Variants in DECR2 observed in about 807,000 individuals in gnomAD.
DECR2 encodes peroxisomal 2,4-dienoyl-CoA reductase [(3E)-enoyl-CoA-producing].
In DECR2, 34 loss-of-function variants were observed where a neutral mutation model predicts 29.2. That is an observed-to-expected ratio of 1.16 (90% confidence interval 0.89 to 1.55). DECR2 has a LOEUF of 1.55. Ranked by LOEUF, DECR2 falls within the 40% of genes most tolerant of loss-of-function variation. The probability of loss-of-function intolerance (pLI) is 0.00; values close to 1 mark genes in which losing one functional copy is unlikely to be tolerated. For synonymous variants in DECR2, 224 were observed against 182.7 expected (o/e 1.23, Z -1.82); for missense variants, 485 against 425.3 (o/e 1.14, Z -1.23).
intron 7 of DECR2, 79 bp from the exon 8 acceptor site, chr16:411,282 C>G: frequency 2.8e-6 from 4 of 1,422,632 alleles, no homozygotes; most frequent in South Asian, 1.3e-5. Flanking sequence ...CCAGATGCCT[C>G]TCAGGGAATG....
chr16:412,387 T>C lies in DECR2; in HGVS notation c.*498T>C, dbSNP rs2054827588. ...CTTTGCTACAATCTTGCTAGTGCGT[T>C]TTCTTAAAAGATAATCTATTTACTG... is the stretch of plus-strand genomic sequence containing the variant. On this transcript the variant is annotated 3_prime_UTR_variant, in exon 9 of 9. Transcript: ENST00000219481. 6.6e-6 allele frequency: 1 copy of C among 152,244 alleles called. No homozygotes were observed. Among genetic ancestry groups the C allele is most frequent in the Non-Finnish European group, 1.5e-5 (1 of 68,044 alleles). 9.4% of individuals were successfully genotyped at this position (152,244 alleles called of 1,614,324 possible).
rs2054810596 is a variant in DECR2, at chr16:410,917, T to C, written c.557-55T>C. On this transcript the variant is annotated intron_variant, in intron 6 of 8. Coordinates refer to ENST00000219481, the MANE Select transcript of DECR2 (RefSeq NM_020664.4). The surrounding 1 kb of genome is among the most constrained non-coding windows in gnomAD (Gnocchi z 4.1). ...AGGCAGCGAGACCTGGCCTTGGCCC[T>C]GCGCCCTCGCAGAGGGCAGAGCGGC... 1 of 1,545,734 alleles carries C rather than the reference T, an allele frequency of 6.5e-7. No homozygotes were observed. The highest frequency in any genetic ancestry group is 8.7e-7 in the Non-Finnish European group (1 of 1,143,284).
Position 411,041 on chromosome 16 carries a change from G to A in DECR2, c.626G>A (p.Gly209Asp). ...ATCCGCGTCAACAGCCTCGCCCCTG[G>A]CCCCATCAGTGGCACAGAGGGGCTC... ...QNIRVNSLAPGPISGTEGLRR... is the reference protein window; with the variant it reads ...QNIRVNSLAPDPISGTEGLRR... The change falls in exon 7 of 9, where the codon GGC (glycine) becomes GAC (aspartate). Residue 209 changes from glycine (G) to aspartate (D), a missense_variant. Gly to Asp is a moderately conservative substitution (Grantham distance 94). Coordinates refer to ENST00000219481, the MANE Select transcript of DECR2 (RefSeq NM_020664.4). The A allele has an allele frequency of 6.3e-7, 1 of 1,586,016 alleles. No individual in the cohort carries two copies. Among genetic ancestry groups the A allele is most frequent in the Non-Finnish European group, 8.6e-7 (1 of 1,168,318 alleles).
In DECR2 at chr16:401,929, C is replaced by A. The variant is rs892342917; in HGVS notation, c.-35C>A. The A allele has an allele frequency of 1.4e-6, 2 of 1,473,136 alleles. No individual in the cohort carries two copies. Among genetic ancestry groups the A allele is most frequent in the South Asian group, 2.6e-5 (2 of 77,908 alleles). The allele number at this position is 1,473,136 out of a possible 1,614,324, so 91.3% of individuals were successfully genotyped here. On this transcript the variant is annotated 5_prime_UTR_variant, in exon 1 of 9. Coordinates refer to ENST00000219481, the MANE Select transcript of DECR2 (RefSeq NM_020664.4). ...GGGTCCTGGAGGCCGAGGCCGCTCC[C>A]GCCCGTTGTCCCCGCAGTCCCCGAC...
intron 3 of DECR2, chr16:407,160 G>A: frequency 7.8e-7 from 1 of 1,278,936 alleles, no homozygotes; most frequent in African/African-American, 1.5e-5. Flanking sequence ...TGCAGCAGGG[G>A]CAGGACATGG....
Position 410,357 on chromosome 16 carries a change from AG to A in DECR2, c.453del (p.Lys151AsnfsTer9), listed in dbSNP as rs779621533. The A allele has an allele frequency of 4.1e-5, 66 of 1,599,418 alleles. No individual in the cohort carries two copies. Among genetic ancestry groups the A allele is most frequent in the East Asian group, 2.3e-5 (1 of 44,076 alleles). ...AATGTGTCTCGTGTGCTCTATGAGA[AG>A]TTCTTCCGGGTGGGTGCCTCGTGCG... Reference protein sequence around the residue: ...TFNVSRVLYEKFFRDHGGVIV... With the variant: ...TFNVSRVLYEXFFRDHGGVIV... On this transcript the variant is annotated frameshift_variant, in exon 5 of 9. Transcript: ENST00000219481. LOFTEE classifies it high-confidence loss of function. This position sits in a 1 kb window ranked among gnomAD's most constrained non-coding sequence, Gnocchi z 4.1.
chr16:407,875 G>A (rs553655855), intron 4 of DECR2, among the ~76,000 whole-genome samples: 2 of 145,738 alleles, frequency 1.4e-5, no homozygotes, highest in African/African-American at 2.5e-5. Context: ...GTCTCTCTCC[G>A]GCCCCATCTC....
chr16:406,892 G>A, intron 3 of DECR2: 1 of 1,035,322 alleles, frequency 9.7e-7, no homozygotes, highest in South Asian at 3.2e-5. Context: ...GATTACAGGT[G>A]TGAACCACTG....
Position 411,495 on chromosome 16 carries a change from G to T in DECR2, c.796G>T (p.Val266Leu). ...LASYVTGAVL[V>L]ADGGAWLTFP... is the part of the protein sequence containing the mutation. ...TTCCTACGTGACGGGGGCCGTGCTGGTGGCCGATGGCGGGGCATGGTTGAC... is the reference window on the plus strand; with the variant it reads ...TTCCTACGTGACGGGGGCCGTGCTGTTGGCCGATGGCGGGGCATGGTTGAC... The change falls in exon 8 of 9, where the codon GTG (valine) becomes TTG (leucine). Residue 266 changes from valine to leucine, a missense_variant. By Grantham distance (32) the Val-to-Leu change is conservative (BLOSUM62 1). Transcript: ENST00000219481. The T allele has an allele frequency of 6.2e-7, 1 of 1,614,060 alleles. No individual in the cohort carries two copies. The highest frequency in any genetic ancestry group is 8.5e-7 in the Non-Finnish European group (1 of 1,180,012).
chr16:407,346 C>T (rs980453889), intron 3 of DECR2, 79 bp from the exon 4 acceptor site: 29 of 1,503,760 alleles, frequency 1.9e-5, no homozygotes, highest in South Asian at 1.4e-4. Flanking sequence ...CCGGAAGCAT[C>T]GTCCTCTGCA....
intron 2 of DECR2, chr16:405,350 A>G: frequency 1.9e-6 from 1 of 533,358 alleles, no homozygotes; most frequent in Middle Eastern, 5.6e-4. Context: ...CTGTGGCTTC[A>G]GGCCAGGGTC....
At position 402,005 on chromosome 16, in the gene DECR2, C is replaced by T. The variant is rs954976581; in HGVS notation, c.42C>T (p.Leu14=). 3 of 1,489,202 alleles carry T rather than the reference C, an allele frequency of 2.0e-6. No individual in the cohort carries two copies. The highest frequency in any genetic ancestry group is 3.7e-4 in the Middle Eastern group (2 of 5,436). 92.2% of individuals were successfully genotyped at this position (1,489,202 alleles called of 1,614,324 possible). Residue 14 remains leucine (L), a synonymous_variant, in exon 1 of 9, where the codon CTC becomes CTT. Transcript: ENST00000219481. The stretch of plus-strand genomic sequence containing the variant: ...CCGACGTGGAGGGGGACGACTGTCT[C>T]CCCGCGTACCGCCACCTCTTCTGCC... ...PPPDVEGDDC[L]PAYRHLFCPD... is the part of the protein sequence containing the mutation.
rs776626806 is a variant in DECR2 at position 410,646 on chromosome 16, C to A, written c.463-45C>A. On this transcript the variant is annotated intron_variant, in intron 5 of 8. Transcript: ENST00000219481. The surrounding 1 kb of genome is among the most constrained non-coding windows in gnomAD (Gnocchi z 4.1). ...CACCCGCTCACTGTCCTGTGACCTC[C>A]CCCGACACCCGCCCGCTCACTGCCC... 1.9e-6 allele frequency: 3 copies of A among 1,543,362 alleles called. No individual in the cohort carries two copies. Among genetic ancestry groups the A allele is most frequent in the Admixed American group, 3.8e-5 (2 of 52,152 alleles).
At chr16:406,437 G>GT in intron 3 of DECR2, 40 bp downstream of exon 3, 2 of 1,599,530 alleles carry the variant, frequency 1.3e-6, no homozygotes, top group East Asian at 2.2e-5. Flanking sequence ...TCGGGTGGCT[G>GT]TGGGGGGGCT....
At chr16:408,688 TATTTTTTG>T (rs1427978751) in intron 4 of DECR2, among the ~76,000 whole-genome samples, 8 of 151,876 alleles carry the variant, frequency 5.3e-5, no homozygotes, top group African/African-American at 1.9e-4. Context: ...TTATATTTTT[TATTTTTTG>T]TAGAGACAGG....
chr16:404,908 C>T (rs2054706724), intron 1 of DECR2, 48 bp from the exon 2 acceptor site: 1 of 1,605,588 alleles, frequency 6.2e-7, no homozygotes, highest in Non-Finnish European at 8.5e-7. Flanking sequence ...GAGCCACCGG[C>T]CCGGCCCAAT....
At chr16:405,859 C>T (rs1280960566) in intron 2 of DECR2, among the ~76,000 whole-genome samples, 2 of 152,306 alleles carry the variant, frequency 1.3e-5, no homozygotes, top group South Asian at 4.1e-4. Flanking sequence ...CTTCTTTGTG[C>T]TCTTTCGCAA....
At chr16:409,955 C>G (rs776288821) in intron 4 of DECR2, 19 of 449,822 alleles carry the variant, frequency 4.2e-5, no homozygotes, top group African/African-American at 7.8e-5. Flanking sequence ...GTTGTGACTT[C>G]AGTGTAATTC....
Position 411,872 on chromosome 16 carries a change from G to C in DECR2, c.*1-18G>C. ...GAAGCCGTCCTCAGCCGGCTACTAAGTTCTGAAACTCCTGCAGGAATCTTC... is the reference window on the plus strand; with the variant it reads ...GAAGCCGTCCTCAGCCGGCTACTAACTTCTGAAACTCCTGCAGGAATCTTC... On this transcript the variant is annotated intron_variant, in intron 8 of 8. Coordinates refer to ENST00000219481, the MANE Select transcript of DECR2 (RefSeq NM_020664.4). The C allele has an allele frequency of 2.5e-6, 1 of 408,066 alleles. No individual in the cohort carries two copies. The highest frequency in any genetic ancestry group is 4.1e-5 in the East Asian group (1 of 24,384). 25.3% of individuals were successfully genotyped at this position (408,066 alleles called of 1,614,324 possible). A position where few individuals can be genotyped will look rare whatever the true frequency, so the allele number is the denominator to read the frequency against.
Sources: gnomAD v4.1 joint callset for allele counts (sites outside exome capture counted in the v4.1 genomes callset) on GRCh38, gnomAD v4.1.1 for gene constraint, Gnocchi (gnomAD v3.1) non-coding constraint, MANE v1.5 for transcripts, NCBI Gene and HGNC (gene_info 2026-07-23, HGNC 2026-07-21) for gene names.